The following DPP6 variants were observed in gnomAD, a reference collection of about 807,000 sequenced individuals.
The protein encoded by DPP6 is A-type potassium channel modulatory protein DPP6.
In DPP6, 69 loss-of-function variants were observed where a neutral mutation model predicts 122.6. The observed-to-expected ratio is 0.56, with a 90% CI of 0.46 to 0.69. The LOEUF is 0.69. Among genes scored for constraint, DPP6 ranks in the 30% least tolerant of loss-of-function variants. DPP6 has a pLI of 0.00. For missense variants in DPP6, 928 were observed against 1,116.9 expected, an observed-to-expected ratio of 0.83 and a Z score of 2.41; for synonymous variants, 418 against 433.1, an observed-to-expected ratio of 0.97 and a Z score of 0.43.
chr7:154,591,702 G>T (rs1832816577), intron 5 of DPP6, among the ~76,000 whole-genome samples: 1 of 152,196 alleles, frequency 6.6e-6, no homozygotes, highest in Admixed American at 6.5e-5. Flanking sequence ...AATATAAACA[G>T]CCTCAGGCCC....
At chr7:154,299,520 T>C (rs1181415911) in intron 1 of DPP6, among the ~76,000 whole-genome samples, 2 of 152,218 alleles carry the variant, frequency 1.3e-5, no homozygotes, top group Non-Finnish European at 2.9e-5. Context: ...TTTTTTGTTG[T>C]TGTTGTTTCT....
At chr7:154,472,736 TAGGTACAGAG>T (rs1376132025) in intron 2 of DPP6, among the ~76,000 whole-genome samples, 1 of 152,208 alleles carries the variant, frequency 6.6e-6, no homozygotes, top group African/African-American at 2.4e-5. Flanking sequence ...ATGAGCCATC[TAGGTACAGAG>T]AGGCCAGCAG....
intron 1 of DPP6, among the ~76,000 whole-genome samples, chr7:154,437,803 G>A (rs1054108330): frequency 6.6e-6 from 1 of 152,130 alleles, no homozygotes; most frequent in African/African-American, 2.4e-5. Flanking sequence ...GGACACGGTG[G>A]TGGACGCCTG....
chr7:154,577,710 G>T (rs982602684), intron 5 of DPP6, among the ~76,000 whole-genome samples: 1 of 152,214 alleles, frequency 6.6e-6, no homozygotes, highest in African/African-American at 2.4e-5. Context: ...CTTTCATTAG[G>T]AATGGCCATC....
At chr7:154,608,229 C>A (rs562204328) in intron 5 of DPP6, among the ~76,000 whole-genome samples, 1 of 150,436 alleles carries the variant, frequency 6.6e-6, no homozygotes, top group East Asian at 2.0e-4. Context: ...TCCGCCCCCT[C>A]GGCCTCCCAA....
At chr7:154,847,453 T>G (rs1524126) in intron 16 of DPP6, among the ~76,000 whole-genome samples, 152,032 of 152,208 alleles carry the variant, frequency 1, 75,929 homozygotes, top group Middle Eastern at 1. Flanking sequence ...TTATGTCTTG[T>G]TTTTTTTTGT....
chr7:154,108,724 C>G (rs1032019840), intron 1 of DPP6, among the ~76,000 whole-genome samples: 60 of 152,198 alleles, frequency 3.9e-4, no homozygotes, highest in African/African-American at 1.4e-3. Context: ...ACAACTCACC[C>G]ATTCCTTCCA....
At chr7:154,284,425 G>C (rs1172093831) in intron 1 of DPP6, among the ~76,000 whole-genome samples, 1 of 152,164 alleles carries the variant, frequency 6.6e-6, no homozygotes, top group Non-Finnish European at 1.5e-5. Context: ...ATAACCAAAA[G>C]GGGGAAACAA....
At chr7:154,274,205 G>T (rs928178310) in intron 1 of DPP6, among the ~76,000 whole-genome samples, 1 of 152,150 alleles carries the variant, frequency 6.6e-6, no homozygotes, top group African/African-American at 2.4e-5. Context: ...CTGTAGTCCT[G>T]TCTCTGTTCC....
intron 1 of DPP6, among the ~76,000 whole-genome samples, chr7:154,285,275 T>C (rs1804776189): frequency 6.6e-6 from 1 of 152,190 alleles, no homozygotes; most frequent in Non-Finnish European, 1.5e-5. Flanking sequence ...GTTGTTGTTG[T>C]TGTTTTGAGA....
chr7:154,862,041 G>A (rs1803452383), intron 17 of DPP6, among the ~76,000 whole-genome samples: 1 of 152,138 alleles, frequency 6.6e-6, no homozygotes. Context: ...CTTCCATTTT[G>A]TTAAAATCAA....
At chr7:153,863,970 CGTTCATTAGTCA>C in the DPP6 span, among the ~76,000 whole-genome samples, 1 of 152,124 alleles carries the variant, frequency 6.6e-6, no homozygotes. Flanking sequence ...TTTGTTTATC[CGTTCATTAGTCA>C]GTGGTCATTT....
the DPP6 span, among the ~76,000 whole-genome samples, chr7:153,791,754 G>C: frequency 6.6e-6 from 1 of 152,074 alleles, no homozygotes; most frequent in Middle Eastern, 3.2e-3. Context: ...ATAATAATTT[G>C]GTTCTTATAA....
the DPP6 span, among the ~76,000 whole-genome samples, chr7:153,776,001 G>A: frequency 0.44 from 66,122 of 151,846 alleles, 14,744 homozygotes; most frequent in South Asian, 0.54. Flanking sequence ...TATCCCCAAC[G>A]TTATATGTTT....
chr7:154,838,025 GC>G (rs1245601397), intron 16 of DPP6, among the ~76,000 whole-genome samples: 1 of 152,152 alleles, frequency 6.6e-6, no homozygotes, highest in African/African-American at 2.4e-5. Context: ...TGAGTAGGCA[GC>G]GTCTCCACTT....
intron 6 of DPP6, among the ~76,000 whole-genome samples, chr7:154,662,080 G>A (rs1563074186): frequency 1.3e-5 from 2 of 150,428 alleles, no homozygotes; most frequent in South Asian, 4.2e-4. Flanking sequence ...TGGCCATAGT[G>A]TTCATAGAGT....
intron 1 of DPP6, among the ~76,000 whole-genome samples, chr7:154,193,262 G>A (rs561049223): frequency 3.7e-4 from 57 of 152,314 alleles, no homozygotes; most frequent in African/African-American, 1.3e-3. Flanking sequence ...GTGCAGACCT[G>A]TACAAGACAT....
chr7:154,778,502 G>T (rs1211841407), intron 10 of DPP6, among the ~76,000 whole-genome samples: 1 of 151,858 alleles, frequency 6.6e-6, no homozygotes, highest in Non-Finnish European at 1.5e-5. Flanking sequence ...AGGGTCATCA[G>T]GGCCATGAAA....
At chr7:154,375,533 C>T (rs900786393) in intron 1 of DPP6, among the ~76,000 whole-genome samples, 1 of 152,086 alleles carries the variant, frequency 6.6e-6, no homozygotes, top group African/African-American at 2.4e-5. Flanking sequence ...GAGATGAGGT[C>T]ATGAAGGCGT....
Sources: allele counts gnomAD v4.1 joint callset (sites outside exome capture counted in the v4.1 genomes callset), GRCh38; gene constraint gnomAD v4.1.1; transcripts MANE v1.5; gene names NCBI Gene and HGNC (gene_info 2026-07-23, HGNC 2026-07-21).